POPDC3: variants seen among roughly 807,000 people sequenced by gnomAD.
POPDC3 encodes popeye domain cAMP effector 3.
Under a neutral mutation model 28.2 loss-of-function variants are expected in POPDC3, and 20 were observed. The ratio of observed to expected loss-of-function variants is 0.71; its 90% CI spans 0.50 to 1.03. The LOEUF (loss-of-function observed/expected upper bound fraction) is 1.03. Ranked by LOEUF, POPDC3 falls within the 50% of genes least tolerant of loss-of-function variation. The pLI is 0.00. For missense variants in POPDC3, 316 were observed against 345.9 expected (o/e 0.91, Z 0.69); for synonymous variants, 118 against 124.1 (o/e 0.95, Z 0.33).
At position 105,158,751 on chromosome 6, in the gene POPDC3, C is replaced by T. The variant is rs1774253067; in HGVS notation, c.595G>A (p.Val199Ile). The T allele has an allele frequency of 1.2e-6, 2 of 1,600,732 alleles. No individual in the cohort carries two copies. The highest frequency in any genetic ancestry group is 1.7e-6 in the Non-Finnish European group (2 of 1,171,600). The change falls in exon 4 of 4, where the codon GTA becomes ATA. Residue 199 changes from valine (V) to isoleucine (I), a missense_variant and splice_region_variant. By Grantham distance (29) the Val-to-Ile change is conservative. Transcript: ENST00000254765. The part of the protein sequence containing the change: ...LRPTEEGIFQ[V>I]TLTAETDCRY... ...CAATCAGTTTCTGCAGTGAGGGTTA[C>T]CTAAAAAACACAAGACCACACATAA...
intron 1 of POPDC3, among the ~76,000 whole-genome samples, chr6:105,178,196 G>A (rs1406712280): frequency 2.6e-5 from 4 of 152,140 alleles, no homozygotes; most frequent in African/African-American, 9.7e-5. Flanking sequence ...AAGCAGTTTT[G>A]AAATTTCTTG....
At chr6:105,175,386 A>C (rs1439752485) in intron 1 of POPDC3, among the ~76,000 whole-genome samples, 5 of 150,456 alleles carry the variant, frequency 3.3e-5, no homozygotes, top group African/African-American at 9.8e-5. Flanking sequence ...AAAAAAAAAA[A>C]AAAAAGCTGG....
intron 1 of POPDC3, among the ~76,000 whole-genome samples, chr6:105,164,711 G>A (rs962067234): frequency 2.6e-5 from 4 of 152,218 alleles, no homozygotes; most frequent in African/African-American, 9.6e-5. Context: ...GTAAATAAAT[G>A]CTGACATGCC....
intron 1 of POPDC3, among the ~76,000 whole-genome samples, chr6:105,172,687 C>T (rs1774603252): frequency 1.3e-5 from 2 of 150,540 alleles, no homozygotes; most frequent in Non-Finnish European, 3.0e-5. Flanking sequence ...ACATATACAC[C>T]ATGGAATACT....
intron 2 of POPDC3, among the ~76,000 whole-genome samples, chr6:105,160,504 G>A (rs1052770757): frequency 2.3e-4 from 35 of 151,710 alleles, no homozygotes; most frequent in Admixed American, 2.3e-3. Flanking sequence ...GTGAGCCACC[G>A]CGCCTGGCCT....
chr6:105,173,971 C>G (rs1165785547), intron 1 of POPDC3, among the ~76,000 whole-genome samples: 1 of 152,072 alleles, frequency 6.6e-6, no homozygotes, highest in African/African-American at 2.4e-5. Context: ...AAGGATATAG[C>G]CTGAATTACT....
Position 105,161,966 on chromosome 6 carries a change from T to C in POPDC3, c.-57A>G, listed in dbSNP as rs758930344. 51 of 1,528,836 alleles carry C rather than the reference T, an allele frequency of 3.3e-5. No individual in the cohort carries two copies. Among genetic ancestry groups the C allele is most frequent in the Non-Finnish European group, 4.3e-5 (49 of 1,143,020 alleles). 94.7% of individuals were successfully genotyped at this position (1,528,836 alleles called of 1,614,324 possible). ...TGACTTTAGATGACACTGAAACAGG[T>C]AACTAAGTCCTTTGGTTCTCCATCA... On this transcript the variant is annotated 5_prime_UTR_variant, in exon 2 of 4. Coordinates refer to ENST00000254765, the MANE Select transcript of POPDC3 (RefSeq NM_022361.5).
rs76805004 is a variant in POPDC3, at chr6:105,159,048, A to G, written c.595-297T>C. 6 of 245,316 alleles carry G rather than the reference A, an allele frequency of 2.4e-5. No homozygotes were observed. The Admixed American group carries it at 3.0e-4, about 12-fold the overall frequency. The allele number at this position is 245,316 out of a possible 1,614,324, so 15.2% of individuals were successfully genotyped here. ...ACTACTTGATCTTAAAAAAAAAAAA[A>G]GTTGGCTGATGTTACAGAAATATTT... is the stretch of plus-strand genomic sequence containing the variant. On this transcript the variant is annotated intron_variant, in intron 3 of 3. Coordinates refer to ENST00000254765, the MANE Select transcript of POPDC3 (RefSeq NM_022361.5).
rs140816539 is a variant in POPDC3 at position 105,178,622 on chromosome 6, A to G, written c.-252+1211T>C. ...CACACACACACACAGATTTTTCAGG[A>G]CAGAACCTCAGAGATATCTGGAATC... On this transcript the variant is annotated intron_variant, in intron 1 of 3. Coordinates refer to ENST00000254765, the MANE Select transcript of POPDC3 (RefSeq NM_022361.5). 8.9e-4 allele frequency: 458 copies of G among 515,880 alleles called. 7 individuals carry two copies. The African/African-American group carries it at 8.9e-3, about 10-fold the overall frequency. The allele number at this position is 515,880 out of a possible 1,614,324, so 32.0% of individuals were successfully genotyped here. A position where few individuals can be genotyped will look rare whatever the true frequency, so the allele number is the denominator to read the frequency against.
At position 105,162,064 on chromosome 6, in the gene POPDC3, G is replaced by C. The variant is rs930898599; in HGVS notation, c.-155C>G. On this transcript the variant is annotated 5_prime_UTR_variant, in exon 2 of 4. Transcript: ENST00000254765. ...AGTTGATGCTGATTAAAGGCTTCGTGTGTACGGATCTTGAAAAACTAAGAA... is the reference window on the plus strand; with the variant it reads ...AGTTGATGCTGATTAAAGGCTTCGTCTGTACGGATCTTGAAAAACTAAGAA... 14 of 1,440,436 alleles carry C rather than the reference G, an allele frequency of 9.7e-6. 1 individual carries two copies. In the African/African-American group the frequency reaches 1.0e-4, roughly 10 times the overall value. The allele number at this position is 1,440,436 out of a possible 1,614,324, so 89.2% of individuals were successfully genotyped here.
At chr6:105,175,017 A>G (rs1582998470) in intron 1 of POPDC3, among the ~76,000 whole-genome samples, 2 of 152,002 alleles carry the variant, frequency 1.3e-5, no homozygotes, top group East Asian at 1.9e-4. Flanking sequence ...AAATACAAAA[A>G]TGAGCCGGGC....
chr6:105,162,593 G>T (rs558363722), intron 1 of POPDC3, among the ~76,000 whole-genome samples: 1 of 152,200 alleles, frequency 6.6e-6, no homozygotes, highest in East Asian at 1.9e-4. Context: ...TTACCCAGGC[G>T]TGGTGGCGTG....
intron 1 of POPDC3, among the ~76,000 whole-genome samples, chr6:105,175,375 CA>C (rs60678447): frequency 0.011 from 1,071 of 99,052 alleles, 10 homozygotes; most frequent in African/African-American, 0.035. Flanking sequence ...CCTAACTCTC[CA>C]AAAAAAAAAA....
In POPDC3 at chr6:105,158,313, C is replaced by T; in HGVS notation, c.*157G>A. The T allele has an allele frequency of 1.8e-6, 1 of 565,544 alleles. No individual in the cohort carries two copies. Among genetic ancestry groups the T allele is most frequent in the South Asian group, 3.6e-5 (1 of 27,914 alleles). The allele number at this position is 565,544 out of a possible 1,614,324, so 35.0% of individuals were successfully genotyped here. The stretch of plus-strand genomic sequence containing the variant: ...AAATTTGTAAAGTTTATTCACAATG[C>T]AGTTGTTGAAAGGAATAAAACAGTT... On this transcript the variant is annotated 3_prime_UTR_variant, in exon 4 of 4. Coordinates refer to ENST00000254765, the MANE Select transcript of POPDC3 (RefSeq NM_022361.5).
intron 1 of POPDC3, chr6:105,166,442 A>G: frequency 2.7e-5 from 10 of 369,406 alleles, no homozygotes; most frequent in South Asian, 2.1e-4. Flanking sequence ...GAACAAATCT[A>G]AGAGATAGGA....
intron 1 of POPDC3, chr6:105,168,659 A>G (rs1774510018): frequency 6.6e-6 from 1 of 152,256 alleles, no homozygotes; most frequent in Non-Finnish European, 1.5e-5. Flanking sequence ...GGAATGGGAT[A>G]GATGCTCCCT....
At chr6:105,176,486 ACT>A (rs561633533) in intron 1 of POPDC3, among the ~76,000 whole-genome samples, 1 of 152,110 alleles carries the variant, frequency 6.6e-6, no homozygotes, top group Non-Finnish European at 1.5e-5. Flanking sequence ...AGGGAGAAAG[ACT>A]CAGGCTAATG....
At chr6:105,170,670 T>C (rs1290731386) in intron 1 of POPDC3, among the ~76,000 whole-genome samples, 1 of 152,172 alleles carries the variant, frequency 6.6e-6, no homozygotes, top group African/African-American at 2.4e-5. Context: ...AATTCCACTG[T>C]AACACAACAA....
At chr6:105,168,749 T>C (rs1231099646) in intron 1 of POPDC3, 2 of 152,208 alleles carry the variant, frequency 1.3e-5, no homozygotes, top group African/African-American at 4.8e-5. Flanking sequence ...GACTCCATCA[T>C]AGGACTGGAG....
Sources: allele counts gnomAD v4.1 joint callset (sites outside exome capture counted in the v4.1 genomes callset), GRCh38; gene constraint gnomAD v4.1.1; transcripts MANE v1.5; gene names NCBI Gene and HGNC (gene_info 2026-07-23, HGNC 2026-07-21).